Variants in MLLT10 observed in about 807,000 individuals in gnomAD.
The protein encoded by MLLT10 is MLLT10 histone lysine methyltransferase DOT1L cofactor, also known as protein AF-10.
MLLT10 carries 30 observed loss-of-function variants against 129.1 expected under a neutral mutation model. The ratio of observed to expected loss-of-function variants is 0.23; its 90% confidence interval spans 0.17 to 0.32. MLLT10 has a LOEUF of 0.32. Ranked by LOEUF, MLLT10 falls within the 10% of genes least tolerant of loss-of-function variation. The pLI, the probability that MLLT10 is intolerant of heterozygous loss-of-function variation, is 1.00. For missense variants in MLLT10, 1,119 were observed against 1,268.3 expected (o/e 0.88, Z 1.79); for synonymous variants, 490 against 446.4 (o/e 1.10, Z -1.23).
intron 8 of MLLT10, among the ~76,000 whole-genome samples, chr10:21,638,419 C>T (rs1278575831): frequency 6.6e-6 from 1 of 152,060 alleles, no homozygotes; most frequent in Non-Finnish European, 1.5e-5. Context: ...CCCAAAGACC[C>T]CACCTACAAA....
At chr10:21,687,631 A>C (rs1049046024) in intron 13 of MLLT10, among the ~76,000 whole-genome samples, 1 of 152,234 alleles carries the variant, frequency 6.6e-6, no homozygotes, top group Non-Finnish European at 1.5e-5. Context: ...AATGCACACA[A>C]ACTGTGAATC....
At chr10:21,555,327 A>G (rs545557207) in intron 3 of MLLT10, among the ~76,000 whole-genome samples, 1 of 151,936 alleles carries the variant, frequency 6.6e-6, no homozygotes, top group African/African-American at 2.4e-5. Flanking sequence ...GATTCAAGCA[A>G]TTCTCCCTTC....
chr10:21,602,359 T>TA (rs1372184688), intron 5 of MLLT10, among the ~76,000 whole-genome samples: 1 of 152,154 alleles, frequency 6.6e-6, no homozygotes, highest in African/African-American at 2.4e-5. Context: ...TTTATTTATT[T>TA]TTTTTTGAAA....
At chr10:21,660,830 G>A (rs1473234049) in intron 9 of MLLT10, among the ~76,000 whole-genome samples, 1 of 141,160 alleles carries the variant, frequency 7.1e-6, no homozygotes, top group South Asian at 2.2e-4. Context: ...CCAAGATAGC[G>A]TCATTGCGCT....
At chr10:21,538,215 A>G (rs1295961190) in intron 2 of MLLT10, among the ~76,000 whole-genome samples, 1 of 146,492 alleles carries the variant, frequency 6.8e-6, no homozygotes, top group Non-Finnish European at 1.5e-5. Context: ...CCCAGGCTGG[A>G]GTGCAATGGT....
At chr10:21,620,187 C>G (rs1221855348) in intron 8 of MLLT10, among the ~76,000 whole-genome samples, 1 of 152,154 alleles carries the variant, frequency 6.6e-6, no homozygotes, top group East Asian at 1.9e-4. Flanking sequence ...CTCGGCCTCC[C>G]AAAGTGCTGG....
chr10:21,695,766 C>T (rs1007850165), intron 13 of MLLT10, among the ~76,000 whole-genome samples: 6 of 152,106 alleles, frequency 3.9e-5, no homozygotes, highest in African/African-American at 1.4e-4. Flanking sequence ...CTTCACCACC[C>T]TGTCCCTTCT....
intron 8 of MLLT10, among the ~76,000 whole-genome samples, chr10:21,621,049 A>G (rs369615992): frequency 6.0e-5 from 9 of 150,142 alleles, no homozygotes; most frequent in African/African-American, 1.2e-4. Context: ...CAGTGGCGCA[A>G]TCTCGGTTTA....
At chr10:21,588,096 T>G (rs1180955918) in intron 4 of MLLT10, among the ~76,000 whole-genome samples, 1 of 152,216 alleles carries the variant, frequency 6.6e-6, no homozygotes, top group East Asian at 1.9e-4. Flanking sequence ...TTTTGAAGCT[T>G]CGCTCATTTG....
intron 9 of MLLT10, among the ~76,000 whole-genome samples, chr10:21,664,444 G>A (rs985369004): frequency 5.9e-5 from 9 of 151,574 alleles, no homozygotes; most frequent in Non-Finnish European, 1.5e-5. Context: ...CTCCCAAGTA[G>A]CTGGGACTTA....
chr10:21,640,207 TTATATTATATTA>T (rs1032179784), intron 8 of MLLT10, among the ~76,000 whole-genome samples: 4 of 142,928 alleles, frequency 2.8e-5, no homozygotes, highest in Non-Finnish European at 4.5e-5. Flanking sequence ...TATTTATATA[TTATATTATATTA>T]TATATTATAT....
At chr10:21,552,951 T>C (rs951718116) in intron 3 of MLLT10, among the ~76,000 whole-genome samples, 2 of 151,962 alleles carry the variant, frequency 1.3e-5, no homozygotes, top group African/African-American at 4.8e-5. Flanking sequence ...GACCTTCTTC[T>C]GGGTACCATC....
At chr10:21,687,237 C>T (rs571789172) in intron 13 of MLLT10, among the ~76,000 whole-genome samples, 3 of 152,288 alleles carry the variant, frequency 2.0e-5, no homozygotes, top group African/African-American at 7.2e-5. Context: ...GGTGAACATT[C>T]TCCCTCAAGA....
At chr10:21,715,269 C>G (rs959930795) in intron 14 of MLLT10, among the ~76,000 whole-genome samples, 1 of 152,194 alleles carries the variant, frequency 6.6e-6, no homozygotes. Context: ...GTATTAGAAT[C>G]AACCCCAGAT....
At chr10:21,692,293 G>A (rs1436668199) in intron 13 of MLLT10, among the ~76,000 whole-genome samples, 1 of 151,886 alleles carries the variant, frequency 6.6e-6, no homozygotes, top group Non-Finnish European at 1.5e-5. Context: ...TGCAAGTACT[G>A]GGGATTGACA....
intron 3 of MLLT10, chr10:21,551,838 A>C (rs1166356393): frequency 9.9e-6 from 4 of 405,432 alleles, no homozygotes; most frequent in Non-Finnish European, 1.9e-5. Flanking sequence ...TCTGTTGCCC[A>C]GGCTAAAGTG....
chr10:21,628,931 T>C (rs1010162424), intron 8 of MLLT10, among the ~76,000 whole-genome samples: 1 of 151,732 alleles, frequency 6.6e-6, no homozygotes, highest in Non-Finnish European at 1.5e-5. Flanking sequence ...GTATTTTTAG[T>C]GGAGACGGGG....
chr10:21,589,112 T>C (rs558526021), intron 4 of MLLT10, among the ~76,000 whole-genome samples: 6 of 152,076 alleles, frequency 3.9e-5, no homozygotes, highest in African/African-American at 1.4e-4. Flanking sequence ...TTTATTGGAG[T>C]GTTCATAAGG....
intron 22 of MLLT10, among the ~76,000 whole-genome samples, chr10:21,741,683 G>T (rs561096412): frequency 6.6e-6 from 1 of 152,134 alleles, no homozygotes; most frequent in African/African-American, 2.4e-5. Context: ...GATGAATTCT[G>T]CATTCATTCT....
Sources: allele counts gnomAD v4.1 joint callset (sites outside exome capture counted in the v4.1 genomes callset), GRCh38; gene constraint gnomAD v4.1.1; transcripts MANE v1.5; gene names NCBI Gene and HGNC (gene_info 2026-07-23, HGNC 2026-07-21).